The following ANXA13 variants were observed in gnomAD, a reference collection of about 807,000 sequenced individuals.
ANXA13 encodes annexin A13.
Under a neutral mutation model 46.6 loss-of-function variants are expected in ANXA13, and 36 were observed. The observed-to-expected ratio is 0.77, with a 90% confidence interval of 0.59 to 1.02. ANXA13 has a LOEUF of 1.02. ANXA13 is among the 50% of genes least tolerant of loss of function. The pLI is 0.00. For synonymous variants in ANXA13, 163 were observed against 152.9 expected, an observed-to-expected ratio of 1.07 and a Z score of -0.49; for missense variants, 417 against 396.5, an observed-to-expected ratio of 1.05 and a Z score of -0.44.
chr8:123,696,840 T>C (rs1813348958), intron 4 of ANXA13, among the ~76,000 whole-genome samples: 3 of 152,204 alleles, frequency 2.0e-5, no homozygotes, highest in Admixed American at 6.5e-5. Context: ...TGCTTATTGG[T>C]TGAAGCCAGG....
At chr8:123,695,841 A>G in intron 4 of ANXA13, 120 bp from the exon 5 acceptor site, 1 of 861,202 alleles carries the variant, frequency 1.2e-6, no homozygotes, top group Non-Finnish European at 1.9e-6. Context: ...ACTTCCTCTT[A>G]AGATGGTCAT....
At chr8:123,694,882 T>C (rs1457376303) in intron 6 of ANXA13, among the ~76,000 whole-genome samples, 1 of 152,066 alleles carries the variant, frequency 6.6e-6, no homozygotes, top group Non-Finnish European at 1.5e-5. Context: ...TCTCTTCTGT[T>C]CTCTGCTGTC....
chr8:123,732,975 C>G (rs933149698), intron 1 of ANXA13, among the ~76,000 whole-genome samples: 1 of 152,030 alleles, frequency 6.6e-6, no homozygotes. Context: ...GAGTTTGGGA[C>G]CAGCCTGGGC....
intron 1 of ANXA13, among the ~76,000 whole-genome samples, chr8:123,713,792 C>T (rs1813706627): frequency 6.6e-6 from 1 of 152,164 alleles, no homozygotes; most frequent in South Asian, 2.1e-4. Flanking sequence ...CTCCTGGGTT[C>T]AAGTGATTTT....
intron 10 of ANXA13, among the ~76,000 whole-genome samples, chr8:123,682,413 T>C (rs556669109): frequency 6.6e-6 from 1 of 152,358 alleles, no homozygotes; most frequent in Non-Finnish European, 1.5e-5. Context: ...AGCAGAGAAC[T>C]CTTTTTAACC....
chr8:123,727,210 ATT>A (rs549247413), intron 1 of ANXA13, among the ~76,000 whole-genome samples: 1 of 152,216 alleles, frequency 6.6e-6, no homozygotes, highest in Non-Finnish European at 1.5e-5. Context: ...GAAATAAAGA[ATT>A]TTTAAAAAAG....
chr8:123,700,111 G>C (rs140808904), intron 3 of ANXA13, among the ~76,000 whole-genome samples: 1 of 152,162 alleles, frequency 6.6e-6, no homozygotes, highest in Non-Finnish European at 1.5e-5. Flanking sequence ...TCCTACAAGG[G>C]GGCTGTTATA....
At chr8:123,725,625 A>G (rs1813968051) in intron 1 of ANXA13, among the ~76,000 whole-genome samples, 1 of 152,240 alleles carries the variant, frequency 6.6e-6, no homozygotes, top group Non-Finnish European at 1.5e-5. Context: ...ATCTTGGGTG[A>G]TTAGTGACAT....
At chr8:123,711,856 G>A (rs147837220) in intron 2 of ANXA13, 11,304 of 152,254 alleles carry the variant, frequency 0.074, 759 homozygotes, top group African/African-American at 0.18. Flanking sequence ...CTCGTGATCC[G>A]CCTGCTTCGG....
chr8:123,684,531 A>C, intron 10 of ANXA13, 79 bp downstream of exon 10: 2 of 1,010,510 alleles, frequency 2.0e-6, no homozygotes, highest in East Asian at 4.8e-5. Context: ...GGCCCTTAAT[A>C]GAAACTATTT....
intron 1 of ANXA13, among the ~76,000 whole-genome samples, chr8:123,717,698 T>A (rs1341355773): frequency 6.6e-6 from 1 of 152,216 alleles, no homozygotes; most frequent in Non-Finnish European, 1.5e-5. Flanking sequence ...TTCGGGCAAG[T>A]TAGAGAACCT....
rs776512903 is a variant in ANXA13, at chr8:123,693,712, T to C, written c.539A>G (p.Asp180Gly). The C allele has an allele frequency of 6.2e-7, 1 of 1,613,048 alleles. No homozygotes were observed. Among genetic ancestry groups the C allele is most frequent in the East Asian group, 2.2e-5 (1 of 44,884 alleles). The change falls in exon 7 of 11, where the codon GAT (aspartate) becomes GGT (glycine). Residue 180 changes from aspartate to glycine, a missense_variant and splice_region_variant. Asp to Gly is a moderately conservative substitution (Grantham distance 94). Transcript: ENST00000419625. ...AGACTGGCATGTCTGCACACATACA[T>C]CATACAGATCTTTGGCATCCTGACC... is the stretch of plus-strand genomic sequence containing the variant. ...LAGQDAKDLYDAGEGRWGTDE... is the reference protein window; with the variant it reads ...LAGQDAKDLYGAGEGRWGTDE...
chr8:123,700,789 C>A (rs1271513165), intron 3 of ANXA13, among the ~76,000 whole-genome samples: 1 of 151,320 alleles, frequency 6.6e-6, no homozygotes, highest in Non-Finnish European at 1.5e-5. Context: ...CCTTCTCTCC[C>A]TTCCTCTCCA....
At chr8:123,696,950 C>T (rs966407915) in intron 4 of ANXA13, among the ~76,000 whole-genome samples, 3 of 152,216 alleles carry the variant, frequency 2.0e-5, no homozygotes, top group Admixed American at 1.3e-4. Context: ...CGCTCTGTCG[C>T]TCAGGCTGGA....
chr8:123,711,572 T>G (rs999077247), intron 2 of ANXA13: 2 of 152,474 alleles, frequency 1.3e-5, no homozygotes, highest in African/African-American at 4.8e-5. Context: ...TTTTCAACCC[T>G]TGATGGTTGA....
chr8:123,698,490 G>C lies in ANXA13; in HGVS notation c.256C>G (p.Arg86Gly). The change falls in exon 4 of 11, where the codon CGT becomes GGT. Residue 86 changes from arginine (R) to glycine (G), a missense_variant. Transcript: ENST00000419625. ...FEKTALALLD[R>G]PSEYAARQLQ... Reference sequence around the variant, plus strand: ...TGCCGGGCGGCGTACTCGCTGGGACGGTCCAGAAGGGCCAACGCTGTCTTC... The same window carrying C: ...TGCCGGGCGGCGTACTCGCTGGGACCGTCCAGAAGGGCCAACGCTGTCTTC... 1 of 1,614,158 alleles carries C rather than the reference G, an allele frequency of 6.2e-7. No individual in the cohort carries two copies. Among genetic ancestry groups the C allele is most frequent in the Non-Finnish European group, 8.5e-7 (1 of 1,180,016 alleles).
intron 2 of ANXA13, among the ~76,000 whole-genome samples, chr8:123,704,906 C>T (rs1404796562): frequency 6.6e-6 from 1 of 152,212 alleles, no homozygotes; most frequent in African/African-American, 2.4e-5. Flanking sequence ...CTGATGACTC[C>T]AGGATCAGCG....
intron 1 of ANXA13, among the ~76,000 whole-genome samples, chr8:123,719,722 T>A (rs1813825177): frequency 6.6e-6 from 1 of 152,186 alleles, no homozygotes; most frequent in Non-Finnish European, 1.5e-5. Context: ...CCTATCAATG[T>A]GCTAACATGA....
At chr8:123,704,649 A>C (rs1266898951) in intron 2 of ANXA13, among the ~76,000 whole-genome samples, 1 of 152,110 alleles carries the variant, frequency 6.6e-6, no homozygotes, top group Non-Finnish European at 1.5e-5. Flanking sequence ...CACCTGCCTC[A>C]GCCTCTTAAA....
Sources: allele counts gnomAD v4.1 joint callset (sites outside exome capture counted in the v4.1 genomes callset), GRCh38; gene constraint gnomAD v4.1.1; transcripts MANE v1.5; gene names NCBI Gene and HGNC (gene_info 2026-07-23, HGNC 2026-07-21).